Variants in ACP3 observed in about 807,000 individuals in gnomAD.
ACP3 encodes the protein prostatic acid phosphatase.
In ACP3, 38 loss-of-function variants were observed where a neutral mutation model predicts 45.6. That is an observed-to-expected ratio of 0.83 (90% CI 0.64 to 1.09). The LOEUF is 1.09. Ranked by LOEUF, ACP3 falls within the 50% of genes least tolerant of loss-of-function variation. The pLI, the probability that ACP3 is intolerant of heterozygous loss-of-function variation, is 0.00. For synonymous variants in ACP3, 162 were observed against 164.7 expected, an observed-to-expected ratio of 0.98 and a Z score of 0.13; for missense variants, 466 against 463.2, an observed-to-expected ratio of 1.01 and a Z score of -0.05.
intron 2 of ACP3, among the ~76,000 whole-genome samples, chr3:132,331,377 C>T (rs1249877231): frequency 2.0e-5 from 3 of 152,208 alleles, no homozygotes; most frequent in Non-Finnish European, 4.4e-5. Flanking sequence ...AGATCAATCA[C>T]CCAACTATCA....
At position 132,328,167 on chromosome 3, in the gene ACP3, G is replaced by A; in HGVS notation, c.121-100G>A. 4 of 868,394 alleles carry A rather than the reference G, an allele frequency of 4.6e-6. No individual in the cohort carries two copies. In the East Asian group the frequency reaches 1.1e-4, roughly 24 times the overall value. The allele number at this position is 868,394 out of a possible 1,614,324, so 53.8% of individuals were successfully genotyped here. A position where few individuals can be genotyped will look rare whatever the true frequency, so the allele number is the denominator to read the frequency against. ...TACGTGATTACAATGGGAAGCCAAA[G>A]TTAAAACCAATGAGTTAGAAAAAAA... On this transcript the variant is annotated intron_variant, in intron 1 of 9. Coordinates refer to ENST00000336375, the MANE Select transcript of ACP3 (RefSeq NM_001099.5).
At chr3:132,317,646 C>A in intron 1 of ACP3, 70 bp downstream of exon 1, 1 of 1,498,276 alleles carries the variant, frequency 6.7e-7, no homozygotes, top group Non-Finnish European at 9.0e-7. Context: ...AGGCAAGCGT[C>A]AGGTTTCATC....
chr3:132,321,755 C>T (rs763649966), intron 1 of ACP3, among the ~76,000 whole-genome samples: 7 of 152,064 alleles, frequency 4.6e-5, no homozygotes, highest in Non-Finnish European at 7.4e-5. Context: ...AGGTATGTCT[C>T]GAAGGAGAGT....
At chr3:132,335,285 G>A (rs1274142272) in intron 4 of ACP3, among the ~76,000 whole-genome samples, 1 of 152,044 alleles carries the variant, frequency 6.6e-6, no homozygotes, top group East Asian at 1.9e-4. Flanking sequence ...ACAGTAGCTT[G>A]GACAGAAAAG....
exon 11 of ACP3, chr3:132,368,077 G>C (rs1451933874): frequency 2.7e-6 from 1 of 365,400 alleles, no homozygotes; most frequent in Non-Finnish European, 5.1e-6. Flanking sequence ...GTTATGCATA[G>C]GATGGTTGTA....
At position 132,352,916 on chromosome 3, in the gene ACP3, T is replaced by C. The variant is rs1937790588; in HGVS notation, c.968+93T>C. 4.6e-6 allele frequency: 4 copies of C among 877,046 alleles called. No individual in the cohort carries two copies. The East Asian group carries it at 1.0e-4, about 22-fold the overall frequency. 54.3% of individuals were successfully genotyped at this position (877,046 alleles called of 1,614,324 possible). Reference sequence around the variant, plus strand: ...TTAAGGGTTGTGTGCCTGTTTGTCTTTGATTTGGTTTTATATTCAGAGGGA... The same window carrying C: ...TTAAGGGTTGTGTGCCTGTTTGTCTCTGATTTGGTTTTATATTCAGAGGGA... On this transcript the variant is annotated intron_variant, in intron 9 of 9. Transcript: ENST00000336375.
At chr3:132,347,294 G>A (rs989586675) in intron 7 of ACP3, among the ~76,000 whole-genome samples, 1 of 152,190 alleles carries the variant, frequency 6.6e-6, no homozygotes, top group Non-Finnish European at 1.5e-5. Flanking sequence ...TTCAGATCTG[G>A]CTGGGCAAGA....
chr3:132,327,407 G>A (rs1372469556), intron 1 of ACP3, among the ~76,000 whole-genome samples: 5 of 149,088 alleles, frequency 3.4e-5, no homozygotes, highest in African/African-American at 7.4e-5. Flanking sequence ...CCAGCTTCTC[G>A]GGAGGCTGAG....
chr3:132,330,612 C>T (rs897355721), intron 2 of ACP3, among the ~76,000 whole-genome samples: 5 of 152,104 alleles, frequency 3.3e-5, no homozygotes, highest in South Asian at 2.1e-4. Flanking sequence ...ACTCAGGTCA[C>T]GGTATATTAT....
Position 132,366,615 on chromosome 3 carries a change from TG to T in ACP3, c.1139-1085del, listed in dbSNP as rs549411666. Among the ~76,000 whole-genome samples the T allele has an allele frequency of 2.3e-3, 355 of 152,142 alleles. 3 individuals carry two copies. The highest frequency in any genetic ancestry group is 8.0e-3 in the African/African-American group (332 of 41,524). On this transcript the variant is annotated intron_variant, in intron 10 of 10. Transcript: ENST00000351273. Reference sequence around the variant, plus strand: ...GCAAATTTGGTGTGGGGAATGAGGATGGGGAGATCAAGAGTTCAGTTTTGGA... The same window carrying T: ...GCAAATTTGGTGTGGGGAATGAGGATGGGAGATCAAGAGTTCAGTTTTGGA...
downstream of ACP3, among the ~76,000 whole-genome samples, chr3:132,361,160 T>C (rs570205574): frequency 4.6e-5 from 7 of 152,332 alleles, no homozygotes; most frequent in East Asian, 1.3e-3. Flanking sequence ...CCTCCATTGC[T>C]ATTAAAAGCC....
chr3:132,333,466 C>T (rs1316239565), intron 4 of ACP3: 3 of 152,584 alleles, frequency 2.0e-5, no homozygotes, highest in African/African-American at 4.8e-5. Flanking sequence ...GACTGCTGGA[C>T]CCAGACTTTT....
chr3:132,367,721 G>T lies in ACP3; in HGVS notation c.1156G>T (p.Ala386Ser). Residue 386 changes from alanine to serine, a missense_variant, in exon 11 of 11, where the codon GCT (alanine) becomes TCT (serine). Ala to Ser is a moderately conservative substitution (Grantham distance 99, BLOSUM62 1). Coordinates refer to the ACP3 transcript ENST00000351273. ...TCCCACAGTTCTAAAGGTCATCTTT[G>T]CTGTTGCCTTTTGCCTGATATCTGC... is the stretch of plus-strand genomic sequence containing the variant. 3 of 1,612,238 alleles carry T rather than the reference G, an allele frequency of 1.9e-6. No homozygotes were observed. The Admixed American group carries it at 5.0e-5, about 27-fold the overall frequency.
At chr3:132,325,136 G>T (rs995439657) in intron 1 of ACP3, among the ~76,000 whole-genome samples, 1 of 152,162 alleles carries the variant, frequency 6.6e-6, no homozygotes, top group Non-Finnish European at 1.5e-5. Context: ...GAATGTCTTC[G>T]CATAGTCCAA....
At chr3:132,334,081 T>TA (rs1937450260) in intron 4 of ACP3, among the ~76,000 whole-genome samples, 1 of 151,840 alleles carries the variant, frequency 6.6e-6, no homozygotes, top group African/African-American at 2.4e-5. Context: ...CAAAAATAAA[T>TA]AAAAAACAAA....
chr3:132,319,997 T>G (rs1937176112), intron 1 of ACP3, among the ~76,000 whole-genome samples: 3 of 152,234 alleles, frequency 2.0e-5, no homozygotes, highest in Non-Finnish European at 4.4e-5. Flanking sequence ...GAAGTGCCTG[T>G]GACCCATGAA....
At chr3:132,352,547 T>A (rs1052030726) in intron 8 of ACP3, among the ~76,000 whole-genome samples, 173 bp from the exon 9 acceptor site, 2 of 152,200 alleles carry the variant, frequency 1.3e-5, no homozygotes, top group African/African-American at 4.8e-5. Context: ...TAAATCATAC[T>A]GCCTAGCACA....
At chr3:132,368,088 T>G (rs1938160247) in exon 11 of ACP3, 1 of 304,256 alleles carries the variant, frequency 3.3e-6, no homozygotes, top group African/African-American at 2.2e-5. Context: ...GATGGTTGTA[T>G]TCTCTGCCAC....
intron 2 of ACP3, among the ~76,000 whole-genome samples, chr3:132,328,679 CA>C (rs553521994): frequency 0.27 from 18,711 of 70,270 alleles, 927 homozygotes; most frequent in African/African-American, 0.34. Context: ...AACTCTATCT[CA>C]AAAAAAAAAA....
Sources: gnomAD v4.1 joint callset for allele counts (sites outside exome capture counted in the v4.1 genomes callset) on GRCh38, gnomAD v4.1.1 for gene constraint, MANE v1.5 for transcripts, NCBI Gene and HGNC (gene_info 2026-07-23, HGNC 2026-07-21) for gene names.